The following RRBP1 variants were observed in gnomAD, a reference collection of about 807,000 sequenced individuals.
The protein encoded by RRBP1 is ribosome binding protein 1.
A neutral mutation model predicts 165.2 loss-of-function variants in RRBP1; 94 were observed. The observed-to-expected ratio is 0.57, with a 90% confidence interval of 0.48 to 0.68. The LOEUF is 0.68. Ranked by LOEUF, RRBP1 falls within the 30% of genes least tolerant of loss-of-function variation. The pLI is 0.00. For missense variants in RRBP1, 1,676 were observed against 1,763.0 expected (o/e 0.95, Z 0.88); for synonymous variants, 680 against 714.5 (o/e 0.95, Z 0.77).
chr20:17,665,028 T>G (rs1232166366), intron 2 of RRBP1, among the ~76,000 whole-genome samples: 1 of 152,192 alleles, frequency 6.6e-6, no homozygotes, highest in Admixed American at 6.5e-5. Flanking sequence ...CCACCCAGGT[T>G]TACCAAACCC....
chr20:17,678,294 T>C (rs1475430625), intron 2 of RRBP1, among the ~76,000 whole-genome samples: 1 of 152,242 alleles, frequency 6.6e-6, no homozygotes, highest in East Asian at 1.9e-4. Flanking sequence ...AAGCCATCAC[T>C]TTCTACCTAA....
intron 6 of RRBP1, 39 bp from the exon 7 acceptor site, chr20:17,635,703 C>A (rs1408308226): frequency 6.7e-7 from 1 of 1,497,356 alleles, no homozygotes; most frequent in Admixed American, 1.7e-5. Context: ...GGCAGCTCGG[C>A]CTCACACACA....
chr20:17,666,833 T>C (rs1010575358), intron 2 of RRBP1, among the ~76,000 whole-genome samples: 3 of 152,190 alleles, frequency 2.0e-5, no homozygotes, highest in Non-Finnish European at 4.4e-5. Flanking sequence ...TTCCTAGTTA[T>C]CTTTTTAATA....
At chr20:17,645,383 T>A (rs906679195) in intron 3 of RRBP1, among the ~76,000 whole-genome samples, 1 of 152,156 alleles carries the variant, frequency 6.6e-6, no homozygotes, top group African/African-American at 2.4e-5. Context: ...AAATAAAAAC[T>A]TGCAACACGC....
At chr20:17,681,570 A>C (rs1157544883) in intron 1 of RRBP1, among the ~76,000 whole-genome samples, 1 of 111,370 alleles carries the variant, frequency 9.0e-6, no homozygotes, top group Non-Finnish European at 1.9e-5. Flanking sequence ...TCCGGCCCGG[A>C]CTCCAGCCCG....
Position 17,615,958 on chromosome 20 carries a change from G to C in RRBP1, c.3919C>G (p.Gln1307Glu), listed in dbSNP as rs780780015. The change falls in exon 22 of 25, where the codon CAG becomes GAG. Residue 1307 changes from glutamine (Q) to glutamate (E), a missense_variant. This residue lies in a region of RRBP1 where 1,184 missense variants were observed against 1,167.1 expected (regional missense o/e 1.01). Transcript: ENST00000377813. Reference sequence around the variant, plus strand: ...AACTCGGCCGTGAGCTTCTGCCGCTGTGTCTGCTCATCCTCCAGGATGGCT... The same window carrying C: ...AACTCGGCCGTGAGCTTCTGCCGCTCTGTCTGCTCATCCTCCAGGATGGCT... ...TEAILEDEQTQRQKLTAEFEE... is the reference protein window; with the variant it reads ...TEAILEDEQTERQKLTAEFEE... The C allele has an allele frequency of 6.8e-6, 11 of 1,610,062 alleles. No individual in the cohort carries two copies. The East Asian group carries it at 2.0e-4, about 29-fold the overall frequency.
chr20:17,665,294 T>C (rs911941869), intron 2 of RRBP1, among the ~76,000 whole-genome samples: 1 of 152,226 alleles, frequency 6.6e-6, no homozygotes, highest in Non-Finnish European at 1.5e-5. Context: ...GTAAGTGACA[T>C]TGTTCTGGGT....
Position 17,660,178 on chromosome 20 carries a change from G to A in RRBP1, c.330C>T (p.Thr110=). ...CAACGATAATGGGGGGCTGCACTGG[G>A]GTTGGAGCCACAGCCACAGCAGGAG... ...VRAPAVAVAP[T]PVQPPIIVAP... Residue 110 remains threonine (T), a synonymous_variant, in exon 3 of 25, where the codon ACC becomes ACT. Coordinates refer to ENST00000377813, the MANE Select transcript of RRBP1 (RefSeq NM_001365613.2). 2 of 1,613,956 alleles carry A rather than the reference G, an allele frequency of 1.2e-6. No individual in the cohort carries two copies. Among genetic ancestry groups the A allele is most frequent in the Admixed American group, 1.7e-5 (1 of 60,026 alleles).
rs1288518005 is a variant in RRBP1 at position 17,613,747 on chromosome 20, C to T, written c.*435G>A. The T allele has an allele frequency of 6.1e-6, 1 of 164,562 alleles. No homozygotes were observed. Among genetic ancestry groups the T allele is most frequent in the South Asian group, 1.7e-4 (1 of 5,994 alleles). The allele number at this position is 164,562 out of a possible 1,614,324, so 10.2% of individuals were successfully genotyped here. The stretch of plus-strand genomic sequence containing the variant: ...GTCACACGTCAGTTCTGGTTGGCAA[C>T]GTCTAGGGGTGAGGGGCTGTGGCCT... On this transcript the variant is annotated 3_prime_UTR_variant, in exon 25 of 25. Transcript: ENST00000377813.
intron 21 of RRBP1, 121 bp downstream of exon 21, chr20:17,616,611 T>C: frequency 1.5e-6 from 1 of 649,774 alleles, no homozygotes; most frequent in Non-Finnish European, 2.6e-6. Flanking sequence ...CAAAGCAGGG[T>C]GGGGTGGGGA....
chr20:17,642,843 G>A (rs1002001522), intron 4 of RRBP1, 136 bp downstream of exon 4: 30 of 971,832 alleles, frequency 3.1e-5, no homozygotes, highest in South Asian at 1.4e-4. Flanking sequence ...GCGATCCCTC[G>A]GGGTGGCAGA....
chr20:17,644,562 T>C (rs1350734042), intron 3 of RRBP1, among the ~76,000 whole-genome samples: 2 of 152,228 alleles, frequency 1.3e-5, no homozygotes, highest in East Asian at 1.9e-4. Context: ...CAGAGGTCAC[T>C]TGTTTCAAAG....
chr20:17,641,143 C>T (rs1353015425), intron 5 of RRBP1, among the ~76,000 whole-genome samples: 2 of 152,234 alleles, frequency 1.3e-5, no homozygotes, highest in African/African-American at 2.4e-5. Flanking sequence ...GGGAAAGACC[C>T]CGGTGAATTC....
chr20:17,662,006 T>C (rs924253353), intron 2 of RRBP1, among the ~76,000 whole-genome samples: 18 of 152,196 alleles, frequency 1.2e-4, no homozygotes, highest in Non-Finnish European at 1.9e-4. Context: ...CTCACGCCTG[T>C]AATCCCAGCA....
intron 3 of RRBP1, among the ~76,000 whole-genome samples, chr20:17,657,459 G>A (rs759364757): frequency 6.6e-6 from 1 of 152,088 alleles, no homozygotes; most frequent in Non-Finnish European, 1.5e-5. Flanking sequence ...TGTGCAGCCC[G>A]ACACAGGTAC....
At chr20:17,628,127 G>C (rs573011291) in intron 9 of RRBP1, among the ~76,000 whole-genome samples, 3 of 152,160 alleles carry the variant, frequency 2.0e-5, no homozygotes, top group East Asian at 3.9e-4. Context: ...GAAAGGCCAG[G>C]GGGTGACTCT....
intron 2 of RRBP1, among the ~76,000 whole-genome samples, chr20:17,678,857 G>T (rs551123430): frequency 6.6e-6 from 1 of 152,200 alleles, no homozygotes; most frequent in Non-Finnish European, 1.5e-5. Context: ...TGCGGTGTTT[G>T]AAGGCCCACC....
intron 6 of RRBP1, 79 bp downstream of exon 6, chr20:17,636,498 G>T: frequency 6.6e-7 from 1 of 1,526,600 alleles, no homozygotes; most frequent in Non-Finnish European, 8.9e-7. Context: ...CTCACCCTTT[G>T]GGCCTCTCTG....
At chr20:17,626,740 C>T (rs969371172) in intron 11 of RRBP1, among the ~76,000 whole-genome samples, 5 of 132,442 alleles carry the variant, frequency 3.8e-5, no homozygotes, top group Admixed American at 8.3e-5. Context: ...GCCCCTGACT[C>T]GAGCCACCCC....
Sources: gnomAD v4.1 joint callset for allele counts (sites outside exome capture counted in the v4.1 genomes callset) on GRCh38, gnomAD v4.1.1 for gene constraint, gnomAD v4.1.1 regional missense constraint, MANE v1.5 for transcripts, NCBI Gene and HGNC (gene_info 2026-07-23, HGNC 2026-07-21) for gene names.